The following PREX1 variants were observed in gnomAD, a reference collection of about 807,000 sequenced individuals.
PREX1 encodes the protein phosphatidylinositol 3,4,5-trisphosphate-dependent Rac exchanger 1 protein.
PREX1 carries 41 observed loss-of-function variants against 198.3 expected under a neutral mutation model. The observed-to-expected ratio is 0.21, with a 90% CI of 0.16 to 0.27. The LOEUF is 0.27. PREX1 is among the 10% of genes least tolerant of loss of function. The pLI is 1.00. For missense variants in PREX1, 1,620 were observed against 2,200.7 expected, an observed-to-expected ratio of 0.74 and a Z score of 5.28; for synonymous variants, 843 against 887.2, an observed-to-expected ratio of 0.95 and a Z score of 0.89.
chr20:48,633,912 C>T (rs906347495), intron 33 of PREX1, among the ~76,000 whole-genome samples: 1 of 152,204 alleles, frequency 6.6e-6, no homozygotes, highest in African/African-American at 2.4e-5. Flanking sequence ...TGGCCCAAAA[C>T]GCAGCCTGAC....
chr20:48,869,414 T>C, the PREX1 span, among the ~76,000 whole-genome samples: 2 of 152,120 alleles, frequency 1.3e-5, no homozygotes, highest in Admixed American at 6.6e-5. Context: ...TCCTCCTGCT[T>C]TGGCCTCCCA....
At chr20:48,734,413 G>T in intron 4 of PREX1, 133 bp downstream of exon 4, 1 of 808,578 alleles carries the variant, frequency 1.2e-6, no homozygotes, top group Non-Finnish European at 2.0e-6. Flanking sequence ...GGCGATCCCT[G>T]CTTTAGGCAG....
chr20:48,708,461 C>T, intron 5 of PREX1, 40 bp from the exon 6 acceptor site: 1 of 1,606,676 alleles, frequency 6.2e-7, no homozygotes, highest in Non-Finnish European at 8.5e-7. Context: ...AGCAAGACAT[C>T]AATCAATCCA....
At chr20:48,645,161 C>T (rs761401255) in intron 26 of PREX1, among the ~76,000 whole-genome samples, 2 of 152,190 alleles carry the variant, frequency 1.3e-5, no homozygotes, top group South Asian at 2.1e-4. Context: ...AGAACATTCA[C>T]GCTGCGAGGA....
intron 14 of PREX1, among the ~76,000 whole-genome samples, chr20:48,667,045 T>C (rs2089645479): frequency 6.6e-6 from 1 of 152,082 alleles, no homozygotes; most frequent in Non-Finnish European, 1.5e-5. Context: ...GGTGGGATGC[T>C]CTGGCAAAAA....
rs1342066885 is a variant in PREX1 at position 48,741,686 on chromosome 20, G to C, written c.414+3339C>G. Among the ~76,000 whole-genome samples the C allele has an allele frequency of 2.6e-5, 4 of 152,210 alleles. No homozygotes were observed. In the East Asian group the frequency reaches 7.7e-4, roughly 29 times the overall value. On this transcript the variant is annotated intron_variant, in intron 3 of 39. Coordinates refer to ENST00000371941, the MANE Select transcript of PREX1 (RefSeq NM_020820.4). ...GCGGACTGTTCTGTTGAGAATGACAGAGTAGGGGAGGGGCGCGGAAGGGCA... is the reference window on the plus strand; with the variant it reads ...GCGGACTGTTCTGTTGAGAATGACACAGTAGGGGAGGGGCGCGGAAGGGCA...
At chr20:48,829,939 T>C (rs1270815198), upstream of PREX1, among the ~76,000 whole-genome samples, 1 of 152,166 alleles carries the variant, frequency 6.6e-6, no homozygotes, top group Non-Finnish European at 1.5e-5. Flanking sequence ...TTCTCAACCT[T>C]GGGACTATTG....
intron 3 of PREX1, among the ~76,000 whole-genome samples, chr20:48,736,655 G>T (rs1481451060): frequency 1.3e-5 from 2 of 152,214 alleles, no homozygotes; most frequent in African/African-American, 2.4e-5. Flanking sequence ...GTAAAACCTT[G>T]TGAGTGGGGG....
At chr20:48,645,768 A>C in intron 26 of PREX1, 83 bp downstream of exon 26, 1 of 1,458,608 alleles carries the variant, frequency 6.9e-7, no homozygotes, top group Non-Finnish European at 9.4e-7. Flanking sequence ...GTGTCCACTG[A>C]TTCTGATGTT....
chr20:48,749,655 G>A lies in PREX1; in HGVS notation c.220-1775C>T, dbSNP rs112103877. On this transcript the variant is annotated intron_variant, in intron 1 of 39. Transcript: ENST00000371941. ...CCCAGACTCAAGCCTCTTGGGAGGGGGCGCAATGACAGTCCACATGGCGAG... is the reference window on the plus strand; with the variant it reads ...CCCAGACTCAAGCCTCTTGGGAGGGAGCGCAATGACAGTCCACATGGCGAG... 6.6e-3 allele frequency among the ~76,000 whole-genome samples: 1,007 copies of A among 152,290 alleles called. 12 individuals are homozygous for A. Among genetic ancestry groups the A allele is most frequent in the East Asian group, 0.045 (233 of 5,178 alleles).
At chr20:48,632,253 C>A (rs1325356881) in intron 35 of PREX1, 24 bp downstream of exon 35, 13 of 1,611,432 alleles carry the variant, frequency 8.1e-6, no homozygotes, top group African/African-American at 5.3e-5. Context: ...ACTCCTGCCC[C>A]CAACGGGGAC....
intron 5 of PREX1, among the ~76,000 whole-genome samples, chr20:48,708,656 A>G (rs926325475): frequency 4.6e-5 from 7 of 152,176 alleles, no homozygotes; most frequent in Admixed American, 3.3e-4. Flanking sequence ...TTGTTTCACA[A>G]GGAGGTCAGG....
In PREX1 at chr20:48,746,327, TGATTGTATGTTTTTTAA is replaced by T. The variant is rs1442158222; in HGVS notation, c.292-1197_292-1181del. ...CGTGAGCCACCTCGCCTGGCCCTCA[TGATTGTATGTTTTTTAA>T]GAATAGTTGTTAACAGCCAAAAACT... On this transcript the variant is annotated intron_variant, in intron 2 of 39. Coordinates refer to ENST00000371941, the MANE Select transcript of PREX1 (RefSeq NM_020820.4). 4.6e-5 allele frequency among the ~76,000 whole-genome samples: 7 copies of T among 152,214 alleles called. No individual in the cohort carries two copies. In the East Asian group the frequency reaches 1.3e-3, roughly 29 times the overall value.
the PREX1 span, among the ~76,000 whole-genome samples, chr20:48,877,779 C>CA: frequency 1.3e-5 from 2 of 152,372 alleles, no homozygotes; most frequent in East Asian, 3.9e-4. Context: ...AAAAGCTCCT[C>CA]ACTCAGAACA....
Position 48,678,222 on chromosome 20 carries a change from G to A in PREX1, c.1589+1138C>T, listed in dbSNP as rs545283311. Among the ~76,000 whole-genome samples the A allele has an allele frequency of 8.5e-5, 13 of 152,150 alleles. No homozygotes were observed. In the East Asian group the frequency reaches 2.5e-3, roughly 29 times the overall value. On this transcript the variant is annotated intron_variant, in intron 13 of 39. Coordinates refer to ENST00000371941, the MANE Select transcript of PREX1 (RefSeq NM_020820.4). ...CCAGCCACTCAGGCAACTGAGGCAT[G>A]AGAATCACTTGAACCCGGCGGAGGT... is the stretch of plus-strand genomic sequence containing the variant.
At position 48,644,490 on chromosome 20, in the gene PREX1, T is replaced by C. The variant is rs1346443108; in HGVS notation, c.3520A>G (p.Asn1174Asp). 11 of 1,613,324 alleles carry C rather than the reference T, an allele frequency of 6.8e-6. No individual in the cohort carries two copies. Among genetic ancestry groups the C allele is most frequent in the Middle Eastern group, 1.6e-4 (1 of 6,082 alleles). Residue 1174 changes from asparagine to aspartate, a missense_variant, in exon 27 of 40, where the codon AAC becomes GAC. Physicochemically the swap from Asn to Asp is conservative, Grantham distance 23 (BLOSUM62 1). Transcript: ENST00000371941. ...GACAGGACCGAGTCTCGATTGCTGTTACACTCGCTGCAAAGGGGCCCAGAG... is the reference window on the plus strand; with the variant it reads ...GACAGGACCGAGTCTCGATTGCTGTCACACTCGCTGCAAAGGGGCCCAGAG... ...MSYRDSYSEC[N>D]SNRDSVLSYT...
At chr20:48,879,685 C>T in the PREX1 span, among the ~76,000 whole-genome samples, 1 of 152,178 alleles carries the variant, frequency 6.6e-6, no homozygotes, top group Admixed American at 6.5e-5. Context: ...TGAAATAAGA[C>T]CCTTACTCCC....
chr20:48,649,272 A>ACGCCGGACAC (rs2089473807), intron 25 of PREX1, 28 bp downstream of exon 25: 1 of 1,600,694 alleles, frequency 6.2e-7, no homozygotes, highest in African/African-American at 1.3e-5. Flanking sequence ...GCCCCTGCTC[A>ACGCCGGACAC]CGCCGGACAC....
intron 1 of PREX1, among the ~76,000 whole-genome samples, chr20:48,821,361 T>C (rs1359967185): frequency 6.6e-6 from 1 of 152,072 alleles, no homozygotes; most frequent in Non-Finnish European, 1.5e-5. Context: ...GGGGACGCAA[T>C]TTATGTCACC....
Sources: allele counts gnomAD v4.1 joint callset (sites outside exome capture counted in the v4.1 genomes callset), GRCh38; gene constraint gnomAD v4.1.1; transcripts MANE v1.5; gene names NCBI Gene and HGNC (gene_info 2026-07-23, HGNC 2026-07-21).